Variants in TNRC6A observed in about 807,000 individuals in gnomAD.
TNRC6A encodes the protein trinucleotide repeat containing adaptor 6A.
Under a neutral mutation model 221.2 loss-of-function variants are expected in TNRC6A, and 44 were observed. The ratio of observed to expected loss-of-function variants is 0.20; its 90% CI spans 0.16 to 0.26. The LOEUF (loss-of-function observed/expected upper bound fraction) is 0.26. TNRC6A is among the 10% of genes least tolerant of loss of function. TNRC6A has a pLI of 1.00. For synonymous variants in TNRC6A, 847 were observed against 838.5 expected (o/e 1.01, Z -0.18); for missense variants, 2,199 against 2,404.4 (o/e 0.91, Z 1.79).
chr16:24,803,902 T>G (rs577728163), intron 11 of TNRC6A: 91 of 308,008 alleles, frequency 3.0e-4, no homozygotes, highest in South Asian at 2.4e-3. Context: ...CTGTCTAAAA[T>G]AAAAAAGAAA....
At chr16:24,718,822 A>G (rs2151079308) in intron 2 of TNRC6A, among the ~76,000 whole-genome samples, 1 of 151,976 alleles carries the variant, frequency 6.6e-6, no homozygotes, top group African/African-American at 2.4e-5. Context: ...GGATCACCTG[A>G]GGTCAGGAGT....
chr16:24,797,435 A>G, intron 9 of TNRC6A, 55 bp from the exon 10 acceptor site: 2 of 1,331,452 alleles, frequency 1.5e-6, no homozygotes, highest in Non-Finnish European at 2.1e-6. Flanking sequence ...CCGTCACTAT[A>G]CCCAGATAAA....
At chr16:24,773,918 T>C (rs1464226808) in intron 4 of TNRC6A, among the ~76,000 whole-genome samples, 1 of 152,178 alleles carries the variant, frequency 6.6e-6, no homozygotes, top group Non-Finnish European at 1.5e-5. Flanking sequence ...TTGCGAAGTA[T>C]ATTGTTTTTC....
At chr16:24,792,980 G>A (rs932491245) in intron 6 of TNRC6A, among the ~76,000 whole-genome samples, 3 of 152,128 alleles carry the variant, frequency 2.0e-5, no homozygotes, top group Admixed American at 6.5e-5. Context: ...GTAGAGACCA[G>A]GTTTTGCCAT....
At chr16:24,660,631 T>C (rs1318759090) in intron 2 of TNRC6A, among the ~76,000 whole-genome samples, 1 of 152,110 alleles carries the variant, frequency 6.6e-6, no homozygotes, top group Non-Finnish European at 1.5e-5. Context: ...CCTTTGTCAT[T>C]ATAAAATGCC....
chr16:24,651,249 G>T (rs1021896233), intron 2 of TNRC6A, among the ~76,000 whole-genome samples: 1 of 150,694 alleles, frequency 6.6e-6, no homozygotes, highest in Middle Eastern at 3.2e-3. Context: ...ATTTAAAATA[G>T]ACACATTCGC....
rs1375834827 is a variant in TNRC6A, at chr16:24,639,651, T to C, written n.277-1233T>C. On this transcript the variant is annotated intron_variant and non_coding_transcript_variant, in intron 1 of 2. Coordinates refer to the TNRC6A transcript ENST00000566108. ...CTGTTGTACCAGCCGCTTTTTTTGTTTTCTTTCTGAGACAGGGTCTCGCTC... is the reference window on the plus strand; with the variant it reads ...CTGTTGTACCAGCCGCTTTTTTTGTCTTCTTTCTGAGACAGGGTCTCGCTC... 2.0e-5 allele frequency among the ~76,000 whole-genome samples: 3 copies of C among 152,208 alleles called. No individual in the cohort carries two copies. The East Asian group carries it at 5.8e-4, about 29-fold the overall frequency.
chr16:24,824,999 A>G lies in TNRC6A; in HGVS notation c.*1192A>G, dbSNP rs1008493554. The G allele has an allele frequency of 1.3e-5, 2 of 152,616 alleles. No individual in the cohort carries two copies. The highest frequency in any genetic ancestry group is 2.9e-5 in the Non-Finnish European group (2 of 68,040). The allele number at this position is 152,616 out of a possible 1,614,324, so 9.5% of individuals were successfully genotyped here. ...AATCAATAGGTAATAATTTTTTGTA[A>G]TCCCATCAAGTGGCTCCATATGTTT... On this transcript the variant is annotated 3_prime_UTR_variant, in exon 25 of 25. Coordinates refer to ENST00000395799, the MANE Select transcript of TNRC6A (RefSeq NM_014494.4).
intron 2 of TNRC6A, among the ~76,000 whole-genome samples, chr16:24,680,665 A>G (rs2055514319): frequency 6.6e-6 from 1 of 150,502 alleles, no homozygotes. Flanking sequence ...GTGGTGAGCC[A>G]GTATCCTGCC....
Position 24,825,377 on chromosome 16 carries a change from G to T in TNRC6A, c.*1570G>T, listed in dbSNP as rs2058846698. ...TTTTAACTGTTTACAAATAGAATGT[G>T]ATTGTAAAATGTACAGTTTGGTTGT... On this transcript the variant is annotated 3_prime_UTR_variant, in exon 25 of 25. Coordinates refer to ENST00000395799, the MANE Select transcript of TNRC6A (RefSeq NM_014494.4). 1 of 152,624 alleles carries T rather than the reference G, an allele frequency of 6.6e-6. No individual in the cohort carries two copies. The highest frequency in any genetic ancestry group is 2.1e-4 in the South Asian group (1 of 4,830). The allele number at this position is 152,624 out of a possible 1,614,324, so 9.5% of individuals were successfully genotyped here. A position where few individuals can be genotyped will look rare whatever the true frequency, so the allele number is the denominator to read the frequency against.
intron 1 of TNRC6A, among the ~76,000 whole-genome samples, chr16:24,640,285 A>T (rs1901870531): frequency 6.6e-6 from 1 of 152,072 alleles, no homozygotes; most frequent in Non-Finnish European, 1.5e-5. Context: ...TTCTAGTCCT[A>T]GCTACTCAGG....
At chr16:24,630,904 C>G (rs1226420254) in intron 1 of TNRC6A, among the ~76,000 whole-genome samples, 1 of 152,146 alleles carries the variant, frequency 6.6e-6, no homozygotes, top group Non-Finnish European at 1.5e-5. Flanking sequence ...TGGTATGTGC[C>G]TCTCTATACC....
rs774836055 is a variant in TNRC6A, at chr16:24,730,226, GTTTT to G, written c.6-25_6-22del. The G allele has an allele frequency of 3.8e-6, 6 of 1,571,434 alleles. No homozygotes were observed. In the African/African-American group the frequency reaches 8.3e-5, roughly 22 times the overall value. On this transcript the variant is annotated intron_variant, in intron 1 of 24. Coordinates refer to ENST00000395799, the MANE Select transcript of TNRC6A (RefSeq NM_014494.4). ...GTTTTTGTGTGTGTGTTTTTGTTTT[GTTTT>G]TGTTTTTGTTTTTTTGTTTCAGAGA... is the stretch of plus-strand genomic sequence containing the variant.
At chr16:24,739,196 T>A (rs2056837910) in intron 2 of TNRC6A, among the ~76,000 whole-genome samples, 1 of 152,162 alleles carries the variant, frequency 6.6e-6, no homozygotes, top group South Asian at 2.1e-4. Flanking sequence ...TTGTTAGGGT[T>A]CTTGTTTCTG....
intron 2 of TNRC6A, among the ~76,000 whole-genome samples, chr16:24,660,395 C>A (rs1183919604): frequency 1.3e-5 from 2 of 152,112 alleles, no homozygotes; most frequent in South Asian, 4.1e-4. Flanking sequence ...CAGGTTGCTG[C>A]GAATGCCATT....
At chr16:24,664,769 T>TCACA (rs149786252) in intron 2 of TNRC6A, 20,534 of 300,358 alleles carry the variant, frequency 0.068, 604 homozygotes, top group African/African-American at 0.12. Flanking sequence ...AATCCCCAAA[T>TCACA]CACACACACA....
chr16:24,715,619 T>C (rs1227533309), intron 2 of TNRC6A, among the ~76,000 whole-genome samples: 3 of 150,520 alleles, frequency 2.0e-5, no homozygotes, highest in Non-Finnish European at 4.4e-5. Context: ...TTTTTTTTTT[T>C]TTCTTTTTTT....
At chr16:24,691,360 G>T (rs899334892) in intron 2 of TNRC6A, among the ~76,000 whole-genome samples, 12 of 152,122 alleles carry the variant, frequency 7.9e-5, no homozygotes, top group Non-Finnish European at 1.5e-4. Context: ...TGGGATAACA[G>T]GCATGAGCCA....
rs140601365 is a variant in TNRC6A at position 24,658,794 on chromosome 16, G to A, written n.402+17785G>A. ...TTACATTAATTAATTCTATTTTTTT[G>A]TGTATTTTCTTTTCTTTTTCTTTTT... is the stretch of plus-strand genomic sequence containing the variant. On this transcript the variant is annotated intron_variant and non_coding_transcript_variant, in intron 2 of 2. Coordinates refer to the TNRC6A transcript ENST00000566108. 9.3e-3 allele frequency among the ~76,000 whole-genome samples: 1,409 copies of A among 151,528 alleles called. 21 individuals are homozygous for A. Among genetic ancestry groups the A allele is most frequent in the African/African-American group, 0.033 (1,344 of 41,352 alleles).
Sources: gnomAD v4.1 joint callset for allele counts (sites outside exome capture counted in the v4.1 genomes callset) on GRCh38, gnomAD v4.1.1 for gene constraint, MANE v1.5 for transcripts, NCBI Gene and HGNC (gene_info 2026-07-23, HGNC 2026-07-21) for gene names.